Variants in TMEM132C observed in about 807,000 individuals in gnomAD.
The protein encoded by TMEM132C is protein phosphatase 1, regulatory subunit 152.
TMEM132C carries 29 observed loss-of-function variants against 61.4 expected under a neutral mutation model. That is an observed-to-expected ratio of 0.47 (90% CI 0.35 to 0.64). The LOEUF is 0.64. Ranked by LOEUF, TMEM132C falls within the 30% of genes least tolerant of loss-of-function variation. The probability of loss-of-function intolerance (pLI) is 0.00; values close to 1 mark genes in which losing one functional copy is unlikely to be tolerated. For missense variants in TMEM132C, 1,408 were observed against 1,476.9 expected (o/e 0.95, Z 0.76); for synonymous variants, 656 against 633.1 (o/e 1.04, Z -0.54).
intron 1 of TMEM132C, among the ~76,000 whole-genome samples, chr12:128,295,771 A>T (rs1871393120): frequency 7.2e-6 from 1 of 138,928 alleles, no homozygotes; most frequent in Admixed American, 7.1e-5. Flanking sequence ...TTAAGCACCA[A>T]TTAAAAAAAA....
chr12:128,647,768 T>A (rs1954221949), intron 4 of TMEM132C, among the ~76,000 whole-genome samples: 1 of 150,816 alleles, frequency 6.6e-6, no homozygotes, highest in Admixed American at 6.6e-5. Context: ...TGTGAGTGTG[T>A]TTACTGGAGT....
intron 2 of TMEM132C, among the ~76,000 whole-genome samples, chr12:128,451,863 C>CA (rs1174559182): frequency 6.6e-6 from 1 of 151,402 alleles, no homozygotes; most frequent in Admixed American, 6.6e-5. Flanking sequence ...GCAGAACAGA[C>CA]AAAAAAAGGG....
chr12:128,609,364 A>G (rs1222042349), intron 3 of TMEM132C, among the ~76,000 whole-genome samples: 1 of 148,020 alleles, frequency 6.8e-6, no homozygotes, highest in African/African-American at 2.5e-5. Flanking sequence ...TCAGCCTCCC[A>G]AGTAGCTGGC....
At position 128,696,396 on chromosome 12, in the gene TMEM132C, C is replaced by T. The variant is rs146639137; in HGVS notation, c.1929+293C>T. 2.7e-3 allele frequency among the ~76,000 whole-genome samples: 405 copies of T among 152,306 alleles called. 4 individuals are homozygous for T. The highest frequency in any genetic ancestry group is 9.2e-3 in the African/African-American group (383 of 41,558). On this transcript the variant is annotated intron_variant, in intron 7 of 8. Transcript: ENST00000435159. Reference sequence around the variant, plus strand: ...ACCTCTGATTCTCCTTCTTAGTCCACACTTTTCTAACTTTTTCCCCCTATG... The same window carrying T: ...ACCTCTGATTCTCCTTCTTAGTCCATACTTTTCTAACTTTTTCCCCCTATG...
chr12:128,433,839 T>A (rs1366446048), intron 2 of TMEM132C, among the ~76,000 whole-genome samples: 1 of 152,246 alleles, frequency 6.6e-6, no homozygotes, highest in Non-Finnish European at 1.5e-5. Flanking sequence ...GTGAGATGCC[T>A]AGGCAAAAGG....
chr12:128,365,050 T>G (rs904140501), intron 1 of TMEM132C, among the ~76,000 whole-genome samples: 2 of 152,112 alleles, frequency 1.3e-5, no homozygotes, highest in Non-Finnish European at 2.9e-5. Flanking sequence ...TAACAACCAG[T>G]GATGGAGGGA....
chr12:128,489,910 C>A (rs1384800457), intron 2 of TMEM132C, among the ~76,000 whole-genome samples: 2 of 152,096 alleles, frequency 1.3e-5, no homozygotes, highest in Non-Finnish European at 2.9e-5. Context: ...AACAAAAGAA[C>A]CTGGATGTTC....
At chr12:128,649,109 G>A (rs1954241371) in intron 4 of TMEM132C, among the ~76,000 whole-genome samples, 1 of 152,234 alleles carries the variant, frequency 6.6e-6, no homozygotes, top group Non-Finnish European at 1.5e-5. Context: ...CCAGGTGATT[G>A]CCAGCCTGGC....
chr12:128,460,502 T>C (rs963168018), intron 2 of TMEM132C, among the ~76,000 whole-genome samples: 2 of 152,180 alleles, frequency 1.3e-5, no homozygotes, highest in East Asian at 1.9e-4. Flanking sequence ...TGAATGACTT[T>C]ACCTGGCTTT....
intron 2 of TMEM132C, among the ~76,000 whole-genome samples, chr12:128,492,218 A>T (rs1469284059): frequency 1.3e-5 from 2 of 151,922 alleles, no homozygotes; most frequent in Non-Finnish European, 1.5e-5. Context: ...CCATGGTGTA[A>T]ATGTGCCACA....
chr12:128,706,068 C>A lies in TMEM132C; in HGVS notation c.3100C>A (p.Arg1034=), dbSNP rs369408255. ...QIHRSADSGG[R]QGREQKQDPL... ...TCACAGGTCAGCCGACTCCGGGGGG[C>A]GGCAGGGCAGAGAACAGAAGCAGGA... The change falls in exon 9 of 9, where the codon CGG becomes AGG. Residue 1034 remains arginine (R), a synonymous_variant. Transcript: ENST00000435159. The A allele has an allele frequency of 6.4e-7, 1 of 1,551,676 alleles. No homozygotes were observed. Among genetic ancestry groups the A allele is most frequent in the Admixed American group, 2.0e-5 (1 of 51,004 alleles).
At chr12:128,600,045 C>G (rs899253806) in intron 3 of TMEM132C, among the ~76,000 whole-genome samples, 2 of 152,088 alleles carry the variant, frequency 1.3e-5, no homozygotes, top group South Asian at 2.1e-4. Context: ...TGCAGTGGCG[C>G]GATCTCGGCT....
intron 2 of TMEM132C, among the ~76,000 whole-genome samples, chr12:128,507,608 G>T (rs1282078008): frequency 6.6e-6 from 1 of 151,942 alleles, no homozygotes; most frequent in Non-Finnish European, 1.5e-5. Context: ...GCTGCTTCAG[G>T]TTTTTTCTGG....
At chr12:128,390,337 G>C in intron 1 of TMEM132C, among the ~76,000 whole-genome samples, 1 of 152,206 alleles carries the variant, frequency 6.6e-6, no homozygotes, top group East Asian at 1.9e-4. Flanking sequence ...CAGCTCCGGA[G>C]GCAAATGCGT....
At chr12:128,396,492 A>G (rs1000449602) in intron 1 of TMEM132C, among the ~76,000 whole-genome samples, 1 of 152,088 alleles carries the variant, frequency 6.6e-6, no homozygotes, top group African/African-American at 2.4e-5. Context: ...TGATGGGTGC[A>G]GCAAACCACC....
chr12:128,308,285 C>T (rs1372634907), intron 1 of TMEM132C, among the ~76,000 whole-genome samples: 1 of 152,168 alleles, frequency 6.6e-6, no homozygotes, highest in Non-Finnish European at 1.5e-5. Context: ...ACTTAAGCCT[C>T]AACGAGGTTT....
intron 1 of TMEM132C, among the ~76,000 whole-genome samples, chr12:128,388,437 C>G (rs1329370388): frequency 6.6e-6 from 1 of 152,268 alleles, no homozygotes; most frequent in African/African-American, 2.4e-5. Flanking sequence ...CTCTTCTTCC[C>G]CTTGTCTCTT....
chr12:128,473,332 A>T (rs1206595002), intron 2 of TMEM132C, among the ~76,000 whole-genome samples: 30 of 134,986 alleles, frequency 2.2e-4, no homozygotes, highest in African/African-American at 9.6e-4. Flanking sequence ...CTTCATCTTC[A>T]GTCCAGCCTC....
At chr12:128,448,668 G>A (rs946123430) in intron 2 of TMEM132C, among the ~76,000 whole-genome samples, 1 of 152,182 alleles carries the variant, frequency 6.6e-6, no homozygotes, top group African/African-American at 2.4e-5. Context: ...CTTCTTAATA[G>A]GAGGAGCTTC....
Sources: gnomAD v4.1 joint callset for allele counts (sites outside exome capture counted in the v4.1 genomes callset) on GRCh38, gnomAD v4.1.1 for gene constraint, MANE v1.5 for transcripts, NCBI Gene and HGNC (gene_info 2026-07-23, HGNC 2026-07-21) for gene names.